ODAD1: variants seen among roughly 807,000 people sequenced by gnomAD.
The protein encoded by ODAD1 is outer dynein arm-docking complex subunit 1.
A neutral mutation model predicts 67.2 loss-of-function variants in ODAD1; 49 were observed. The ratio of observed to expected loss-of-function variants is 0.73; its 90% CI spans 0.58 to 0.92. The LOEUF (loss-of-function observed/expected upper bound fraction) is 0.92. Among genes scored for constraint, ODAD1 ranks in the 40% least tolerant of loss-of-function variants. The probability of loss-of-function intolerance (pLI) is 0.00; values close to 1 mark genes in which losing one functional copy is unlikely to be tolerated. For missense variants in ODAD1, 897 were observed against 953.7 expected (o/e 0.94, Z 0.78); for synonymous variants, 345 against 393.7 (o/e 0.88, Z 1.46).
At chr19:48,302,589 CAAGTG>C in intron 12 of ODAD1, 100 bp downstream of exon 12, 1 of 884,286 alleles carries the variant, frequency 1.1e-6, no homozygotes, top group East Asian at 2.5e-5. Context: ...AACTGATAAG[CAAGTG>C]AACCAGGTTG....
At chr19:48,298,441 G>A (rs895090752) in intron 12 of ODAD1, 101 bp from the exon 13 acceptor site, 15 of 1,281,166 alleles carry the variant, frequency 1.2e-5, no homozygotes, top group Admixed American at 8.0e-5. Flanking sequence ...CAGAGACTGC[G>A]GTCAAGGCTC....
Position 48,296,904 on chromosome 19 carries a change from C to A in ODAD1, c.*72G>T. On this transcript the variant is annotated 3_prime_UTR_variant, in exon 16 of 16. Transcript: ENST00000674294. ...AAAAGACAGAGACCCACAAGGCAAA[C>A]AGGGGAAGTAGAGACACAAAAAAAG... 6.8e-7 allele frequency: 1 copy of A among 1,463,528 alleles called. No homozygotes were observed. The allele number at this position is 1,463,528 out of a possible 1,614,324, so 90.7% of individuals were successfully genotyped here.
intron 11 of ODAD1, 60 bp from the exon 12 acceptor site, chr19:48,302,922 G>A: frequency 6.2e-7 from 1 of 1,611,454 alleles, no homozygotes; most frequent in East Asian, 2.2e-5. Flanking sequence ...GGGGTGTGGA[G>A]CTAGGAAGAA....
At chr19:48,311,842 C>A (rs1387039499) in intron 6 of ODAD1, among the ~76,000 whole-genome samples, 152 bp downstream of exon 6, 1 of 152,144 alleles carries the variant, frequency 6.6e-6, no homozygotes, top group Non-Finnish European at 1.5e-5. Context: ...ACCCATCATT[C>A]TCCTTTCCTT....
In ODAD1 at chr19:48,306,396, C is replaced by T. The variant is rs1250801418; in HGVS notation, c.598-73G>A. 28 of 1,293,682 alleles carry T rather than the reference C, an allele frequency of 2.2e-5. 1 individual carries two copies. Among genetic ancestry groups the T allele is most frequent in the South Asian group, 1.8e-4 (14 of 78,468 alleles). 80.1% of individuals were successfully genotyped at this position (1,293,682 alleles called of 1,614,324 possible). A position where few individuals can be genotyped will look rare whatever the true frequency, so the allele number is the denominator to read the frequency against. ...TGCTCGAAGTCTTTCCTTTTGGCCCCGTGCTTCTCCAATAAGGAGTAAAGC... is the reference window on the plus strand; with the variant it reads ...TGCTCGAAGTCTTTCCTTTTGGCCCTGTGCTTCTCCAATAAGGAGTAAAGC... On this transcript the variant is annotated intron_variant, in intron 7 of 15. Coordinates refer to ENST00000674294, the MANE Select transcript of ODAD1 (RefSeq NM_001364171.2).
In ODAD1 at chr19:48,318,463, C is replaced by T. The variant is rs1002779676; in HGVS notation, c.284G>A (p.Arg95His). 43 of 1,551,518 alleles carry T rather than the reference C, an allele frequency of 2.8e-5. No individual in the cohort carries two copies. Among genetic ancestry groups the T allele is most frequent in the East Asian group, 7.3e-5 (3 of 40,924 alleles). ...RDSQRLENMD[R>H]LLKGRAQVQA... Reference sequence around the variant, plus strand: ...CACCTGGGCCCGGCCCTTCAGCAGGCGGTCCATGTTCTCCAGCCGCTGACT... The same window carrying T: ...CACCTGGGCCCGGCCCTTCAGCAGGTGGTCCATGTTCTCCAGCCGCTGACT... Residue 95 changes from arginine (R) to histidine (H), a missense_variant, in exon 5 of 16, where the codon CGC (arginine) becomes CAC (histidine). Arg to His is a conservative substitution (Grantham distance 29, BLOSUM62 0). Coordinates refer to ENST00000674294, the MANE Select transcript of ODAD1 (RefSeq NM_001364171.2).
chr19:48,305,467 C>T (rs1044876574), intron 8 of ODAD1, among the ~76,000 whole-genome samples: 3 of 151,044 alleles, frequency 2.0e-5, no homozygotes, highest in African/African-American at 7.3e-5. Context: ...TGCAGTGGTG[C>T]AATCTCGGCT....
chr19:48,304,159 G>T lies in ODAD1; in HGVS notation c.666-19C>A. 6.3e-7 allele frequency: 1 copy of T among 1,587,568 alleles called. No individual in the cohort carries two copies. Among genetic ancestry groups the T allele is most frequent in the African/African-American group, 1.3e-5 (1 of 74,676 alleles). On this transcript the variant is annotated intron_variant, in intron 8 of 15. Coordinates refer to ENST00000674294, the MANE Select transcript of ODAD1 (RefSeq NM_001364171.2). The stretch of plus-strand genomic sequence containing the variant: ...CTCCTCCCTGCGGGGGTCAGCCGGG[G>T]TCAGGATGACTGGAGGCTGGACTGG...
chr19:48,313,929 C>T (rs56775160), intron 5 of ODAD1, among the ~76,000 whole-genome samples: 3,449 of 151,968 alleles, frequency 0.023, 139 homozygotes, highest in African/African-American at 0.079. Context: ...GATACGCACA[C>T]AGGGAGAATG....
At chr19:48,302,057 A>G (rs1600859438) in intron 12 of ODAD1, among the ~76,000 whole-genome samples, 2 of 151,378 alleles carry the variant, frequency 1.3e-5, no homozygotes. Flanking sequence ...GGACAGTTGG[A>G]GGAATAGACC....
intron 2 of ODAD1, 146 bp from the exon 3 acceptor site, chr19:48,320,537 G>A (rs912764596): frequency 1.7e-5 from 5 of 293,342 alleles, no homozygotes; most frequent in Non-Finnish European, 3.3e-5. Context: ...GGGTTGGAGG[G>A]GGACCTCTCT....
chr19:48,303,146 G>A (rs373411194), intron 10 of ODAD1, 51 bp from the exon 11 acceptor site: 7 of 1,350,306 alleles, frequency 5.2e-6, no homozygotes, highest in Non-Finnish European at 7.4e-6. Flanking sequence ...CAGAGAAACA[G>A]AGACAGAGAG....
intron 5 of ODAD1, 84 bp downstream of exon 5, chr19:48,318,303 A>G (rs1968954552): frequency 1.6e-6 from 2 of 1,248,570 alleles, no homozygotes; most frequent in Non-Finnish European, 2.2e-6. Flanking sequence ...AATAGCCCCA[A>G]TTTCACATGA....
chr19:48,303,873 C>T (rs1968536570), intron 9 of ODAD1, 80 bp downstream of exon 9: 2 of 1,579,840 alleles, frequency 1.3e-6, no homozygotes, highest in African/African-American at 2.7e-5. Flanking sequence ...TGTGGTCCCA[C>T]CTGGGGCACG....
At position 48,297,411 on chromosome 19, in the gene ODAD1, G is replaced by A. The variant is rs139270932; in HGVS notation, c.1689C>T (p.Ala563=). The A allele has an allele frequency of 2.2e-4, 349 of 1,605,198 alleles. No individual in the cohort carries two copies. Among genetic ancestry groups the A allele is most frequent in the Non-Finnish European group, 2.8e-4 (329 of 1,179,810 alleles). Residue 563 remains alanine, a synonymous_variant, in exon 16 of 16, where the codon GCC becomes GCT. Coordinates refer to ENST00000674294, the MANE Select transcript of ODAD1 (RefSeq NM_001364171.2). ...LSVDLASTQR[A]GSSTVLVPTR... ...TGGGCACCAGGACGGTACTGGAGCC[G>A]GCCCTCTGGGTGCTGGCCAGGTCCA...
At chr19:48,304,819 A>C (rs999157348) in intron 8 of ODAD1, among the ~76,000 whole-genome samples, 4 of 152,212 alleles carry the variant, frequency 2.6e-5, no homozygotes, top group Non-Finnish European at 4.4e-5. Context: ...TGGCTAAATC[A>C]GTCTCTTGGC....
intron 5 of ODAD1, among the ~76,000 whole-genome samples, chr19:48,312,837 A>C (rs528042636): frequency 2.0e-5 from 3 of 152,304 alleles, no homozygotes; most frequent in African/African-American, 7.2e-5. Flanking sequence ...AGTGGACAGA[A>C]GTGGAGATGA....
intron 3 of ODAD1, 177 bp downstream of exon 3, chr19:48,320,122 C>T: frequency 5.1e-6 from 5 of 989,226 alleles, no homozygotes; most frequent in Non-Finnish European, 6.4e-6. Context: ...TGCCCCACTG[C>T]CCAGGCTTGG....
At chr19:48,314,978 T>C (rs1968860844) in intron 5 of ODAD1, among the ~76,000 whole-genome samples, 1 of 151,942 alleles carries the variant, frequency 6.6e-6, no homozygotes, top group Non-Finnish European at 1.5e-5. Flanking sequence ...GTCCAAAATG[T>C]TGACACTGGG....
Sources: gnomAD v4.1 joint callset for allele counts (sites outside exome capture counted in the v4.1 genomes callset) on GRCh38, gnomAD v4.1.1 for gene constraint, MANE v1.5 for transcripts, NCBI Gene and HGNC (gene_info 2026-07-23, HGNC 2026-07-21) for gene names.